FHIT: variants seen among roughly 807,000 people sequenced by gnomAD.
FHIT encodes the protein fragile histidine triad diadenosine triphosphatase.
Under a neutral mutation model 17.9 loss-of-function variants are expected in FHIT, and 19 were observed. That is an observed-to-expected ratio of 1.06 (90% CI 0.74 to 1.56). The LOEUF is 1.56. FHIT is among the 40% of genes most tolerant of loss of function. FHIT has a pLI of 0.00. For synonymous variants in FHIT, 81 were observed against 69.7 expected (o/e 1.16, Z -0.81); for missense variants, 248 against 189.2 (o/e 1.31, Z -1.82).
chr3:60,806,783 A>C (rs1306519001), intron 4 of FHIT, among the ~76,000 whole-genome samples: 1 of 152,242 alleles, frequency 6.6e-6, no homozygotes, highest in Non-Finnish European at 1.5e-5. Flanking sequence ...TCACAGTAAA[A>C]GTTTGCTGTA....
chr3:60,072,311 A>G (rs1278806118), intron 5 of FHIT, among the ~76,000 whole-genome samples: 2 of 152,190 alleles, frequency 1.3e-5, no homozygotes, highest in Admixed American at 1.3e-4. Flanking sequence ...CTTCTAGATG[A>G]TTTGGTGCTA....
intron 5 of FHIT, among the ~76,000 whole-genome samples, chr3:60,373,508 C>T (rs983946): frequency 0.068 from 10,348 of 152,104 alleles, 1,151 homozygotes; most frequent in African/African-American, 0.23. Flanking sequence ...CATCTTAGGA[C>T]ATCAGAACTT....
intron 5 of FHIT, among the ~76,000 whole-genome samples, chr3:60,252,793 A>G (rs182410722): frequency 8.2e-4 from 125 of 152,004 alleles, no homozygotes; most frequent in Admixed American, 2.0e-3. Flanking sequence ...GATCGAGACC[A>G]TCCTGGCTAA....
intron 8 of FHIT, among the ~76,000 whole-genome samples, chr3:59,915,338 C>T (rs536020136): frequency 1.3e-5 from 2 of 152,150 alleles, no homozygotes; most frequent in African/African-American, 4.8e-5. Flanking sequence ...TAGAGTGACA[C>T]GTGATTAAAT....
intron 3 of FHIT, among the ~76,000 whole-genome samples, chr3:60,958,508 T>C (rs1709273794): frequency 6.6e-6 from 1 of 152,266 alleles, no homozygotes; most frequent in Non-Finnish European, 1.5e-5. Context: ...TATTAAAGGT[T>C]ACACTGGTAT....
chr3:60,639,695 G>A (rs1553684869), intron 4 of FHIT, among the ~76,000 whole-genome samples: 2 of 152,106 alleles, frequency 1.3e-5, no homozygotes, highest in Admixed American at 6.6e-5. Context: ...ACACTAAAAG[G>A]AACTAAAGGG....
At chr3:60,226,683 G>C (rs1704222681) in intron 5 of FHIT, among the ~76,000 whole-genome samples, 2 of 152,108 alleles carry the variant, frequency 1.3e-5, no homozygotes, top group African/African-American at 4.8e-5. Flanking sequence ...ACTAGATATA[G>C]AGGAAGGAGG....
chr3:61,186,695 T>C lies in FHIT; in HGVS notation c.-164+13922A>G, dbSNP rs1001816567. Among the ~76,000 whole-genome samples, 6 of 152,342 alleles carry C rather than the reference T, an allele frequency of 3.9e-5. No individual in the cohort carries two copies. In the South Asian group the frequency reaches 1.2e-3, roughly 32 times the overall value. On this transcript the variant is annotated intron_variant, in intron 2 of 9. Transcript: ENST00000492590. Reference sequence around the variant, plus strand: ...TTCAGGAAGCTCACCATCTAACCTTTTGTCAAATGAGTAAGCTATCCTGTG... The same window carrying C: ...TTCAGGAAGCTCACCATCTAACCTTCTGTCAAATGAGTAAGCTATCCTGTG...
At chr3:60,835,809 G>C (rs1702518369) in intron 3 of FHIT, among the ~76,000 whole-genome samples, 1 of 152,064 alleles carries the variant, frequency 6.6e-6, no homozygotes, top group Admixed American at 6.6e-5. Flanking sequence ...GGAGAGATGA[G>C]GTCTCTCCAT....
At chr3:59,821,764 T>A (rs952615474) in intron 8 of FHIT, among the ~76,000 whole-genome samples, 1 of 152,096 alleles carries the variant, frequency 6.6e-6, no homozygotes, top group Non-Finnish European at 1.5e-5. Flanking sequence ...TTAAAAAAAA[T>A]ATATAAATGA....
intron 3 of FHIT, among the ~76,000 whole-genome samples, chr3:60,830,334 C>T (rs1035302982): frequency 2.6e-5 from 4 of 152,048 alleles, no homozygotes; most frequent in East Asian, 1.9e-4. Flanking sequence ...GGAAAGAACT[C>T]AAAAAAGTGG....
chr3:60,285,330 T>C (rs560705715), intron 5 of FHIT, among the ~76,000 whole-genome samples: 9 of 152,268 alleles, frequency 5.9e-5, no homozygotes, highest in African/African-American at 2.2e-4. Context: ...TAACCAGTAA[T>C]GCCAAAAATA....
rs1315879407 is a variant in FHIT, at chr3:59,927,114, G to A, written c.280-4700C>T. On this transcript the variant is annotated intron_variant, in intron 7 of 9. Coordinates refer to ENST00000492590, the MANE Select transcript of FHIT (RefSeq NM_002012.4). ...CAATGGTAAACAAAGTGCAGTATAT[G>A]AAGACAATAGGATATGATTTGGCCA... 2.6e-5 allele frequency among the ~76,000 whole-genome samples: 4 copies of A among 152,114 alleles called. No homozygotes were observed. In the South Asian group the frequency reaches 8.4e-4, roughly 32 times the overall value.
chr3:60,876,246 T>G (rs1430841523), intron 3 of FHIT, among the ~76,000 whole-genome samples: 3 of 152,120 alleles, frequency 2.0e-5, no homozygotes, highest in African/African-American at 7.2e-5. Flanking sequence ...GTTTAGGTAA[T>G]GGAACAATCT....
chr3:60,017,953 T>A (rs1700407464), intron 5 of FHIT, among the ~76,000 whole-genome samples: 1 of 152,218 alleles, frequency 6.6e-6, no homozygotes, highest in Non-Finnish European at 1.5e-5. Context: ...CATCAAGAGT[T>A]GCAGTCTATT....
rs553579842 is a variant in FHIT, at chr3:60,424,761, T to C, written c.103+112099A>G. ...GAAGAAGAACATAGAAGAGCAACTT[T>C]TAATGTAGCATTGTGAAAAGAAAAA... On this transcript the variant is annotated intron_variant, in intron 5 of 9. Transcript: ENST00000492590. 9.8e-4 allele frequency among the ~76,000 whole-genome samples: 149 copies of C among 152,264 alleles called. 3 individuals carry two copies. The highest frequency in any genetic ancestry group is 6.8e-3 in the Middle Eastern group (2 of 294).
At chr3:60,701,293 G>T (rs1204295915) in intron 4 of FHIT, among the ~76,000 whole-genome samples, 1 of 151,810 alleles carries the variant, frequency 6.6e-6, no homozygotes, top group Non-Finnish European at 1.5e-5. Context: ...TTGCCCAGTG[G>T]GTTCTCCTTG....
Position 60,192,049 on chromosome 3 carries a change from G to A in FHIT, c.104-177897C>T, listed in dbSNP as rs186013014. On this transcript the variant is annotated intron_variant, in intron 5 of 9. Transcript: ENST00000492590. The stretch of plus-strand genomic sequence containing the variant: ...GTGGATTACTTGAGACCAGGAGTTC[G>A]AGACCAGCCTAGCAAACATGGCGAA... Among the ~76,000 whole-genome samples, 79 of 151,980 alleles carry A rather than the reference G, an allele frequency of 5.2e-4. 1 individual carries two copies. Among genetic ancestry groups the A allele is most frequent in the Non-Finnish European group, 9.7e-4 (66 of 67,964 alleles).
chr3:60,257,909 G>A (rs1576379802), intron 5 of FHIT, among the ~76,000 whole-genome samples: 1 of 152,086 alleles, frequency 6.6e-6, no homozygotes, highest in Non-Finnish European at 1.5e-5. Flanking sequence ...CAACGGGGAG[G>A]AGAGAGAATA....
Sources: gnomAD v4.1 joint callset for allele counts (sites outside exome capture counted in the v4.1 genomes callset) on GRCh38, gnomAD v4.1.1 for gene constraint, MANE v1.5 for transcripts, NCBI Gene and HGNC (gene_info 2026-07-23, HGNC 2026-07-21) for gene names.